GABRA3: variants seen among roughly 807,000 people sequenced by gnomAD.
The protein encoded by GABRA3 is gamma-aminobutyric acid receptor subunit alpha-3.
A neutral mutation model predicts 30.1 loss-of-function variants in GABRA3; 10 were observed. The ratio of observed to expected loss-of-function variants is 0.33; its 90% CI spans 0.20 to 0.56. GABRA3 has a LOEUF of 0.56. Ranked by LOEUF, GABRA3 falls within the 20% of genes least tolerant of loss-of-function variation. The pLI, the probability that GABRA3 is intolerant of heterozygous loss-of-function variation, is 0.89. For synonymous variants in GABRA3, 151 were observed against 146.8 expected, an observed-to-expected ratio of 1.03 and a Z score of -0.21; for missense variants, 233 against 392.0, an observed-to-expected ratio of 0.59 and a Z score of 3.42.
At chrX:152,407,003 C>T (rs971790159) in intron 1 of GABRA3, among the ~76,000 whole-genome samples, 5 of 111,472 alleles carry the variant, frequency 4.5e-5, no homozygotes, top group Non-Finnish European at 9.4e-5. Context: ...GACCATTGGG[C>T]CAATAAACAA....
chrX:152,224,734 AGAC>A, intron 6 of GABRA3, 26 bp downstream of exon 6: 1 of 1,037,483 alleles, frequency 9.6e-7, no homozygotes, highest in South Asian at 2.1e-5. Context: ...CAAAAAAAAA[AGAC>A]AGAGAGAGAG....
intron 3 of GABRA3, among the ~76,000 whole-genome samples, chrX:152,325,138 T>A (rs1268753483): frequency 2.7e-5 from 3 of 111,245 alleles, no homozygotes; most frequent in Non-Finnish European, 5.7e-5. Context: ...CAAGCTGATC[T>A]ATGGATGACT....
intron 3 of GABRA3, among the ~76,000 whole-genome samples, chrX:152,334,594 C>T (rs982135106): frequency 9.0e-6 from 1 of 111,121 alleles, no homozygotes; most frequent in African/African-American, 3.3e-5. Context: ...GGTCTGGCTA[C>T]GTTGCCCAGC....
At chrX:152,355,618 T>C (rs762429928) in intron 2 of GABRA3, among the ~76,000 whole-genome samples, 1 of 111,911 alleles carries the variant, frequency 8.9e-6, no homozygotes, top group Non-Finnish European at 1.9e-5. Context: ...TGCAAATATA[T>C]CCTCCTCAAA....
chrX:152,345,160 C>T (rs958893083), intron 3 of GABRA3, among the ~76,000 whole-genome samples: 3 of 111,134 alleles, frequency 2.7e-5, no homozygotes, highest in Admixed American at 9.6e-5. Context: ...TATTGGTATT[C>T]TGTTACTAGA....
At chrX:152,199,115 C>T (rs1044125767) in intron 7 of GABRA3, among the ~76,000 whole-genome samples, 14 of 111,227 alleles carry the variant, frequency 1.3e-4, no homozygotes, top group Admixed American at 7.6e-4. Flanking sequence ...GCCTGTAATC[C>T]CAGCACTTTG....
At chrX:152,269,605 A>G (rs1938890360) in intron 4 of GABRA3, among the ~76,000 whole-genome samples, 1 of 112,259 alleles carries the variant, frequency 8.9e-6, no homozygotes, top group Admixed American at 9.4e-5. Flanking sequence ...AAGCAATACT[A>G]AAAAAACACC....
intron 3 of GABRA3, among the ~76,000 whole-genome samples, chrX:152,291,802 G>A (rs763905409): frequency 8.9e-6 from 1 of 111,850 alleles, no homozygotes; most frequent in African/African-American, 3.2e-5. Context: ...CTGTTTATGT[G>A]ATGGATTATG....
At chrX:152,233,060 T>C (rs1863882646) in intron 5 of GABRA3, among the ~76,000 whole-genome samples, 1 of 111,754 alleles carries the variant, frequency 8.9e-6, no homozygotes, top group Non-Finnish European at 1.9e-5. Flanking sequence ...TTAATTTGCA[T>C]TTCACTGATA....
intron 1 of GABRA3, among the ~76,000 whole-genome samples, chrX:152,378,281 C>A (rs1375274407): frequency 3.6e-5 from 4 of 111,529 alleles, no homozygotes; most frequent in Non-Finnish European, 7.5e-5. Flanking sequence ...GAAAGCAAAT[C>A]CCCATACTTC....
intron 9 of GABRA3, among the ~76,000 whole-genome samples, chrX:152,180,823 A>G (rs928624777): frequency 5.9e-4 from 66 of 111,787 alleles, no homozygotes; most frequent in Admixed American, 5.9e-3. Flanking sequence ...TGTTCTAGAT[A>G]CCTTTGTGGA....
At chrX:152,225,426 ACACACG>A (rs1204480301) in intron 5 of GABRA3, among the ~76,000 whole-genome samples, 5 of 14,577 alleles carry the variant, frequency 3.4e-4, no homozygotes, top group Non-Finnish European at 4.4e-4. Context: ...ACGCACACAC[ACACACG>A]CACACACACA....
chrX:152,394,656 C>T (rs1164545497), intron 1 of GABRA3, among the ~76,000 whole-genome samples: 1 of 112,624 alleles, frequency 8.9e-6, no homozygotes, highest in African/African-American at 3.2e-5. Flanking sequence ...TGTGTATTTT[C>T]ACACAAGTGT....
chrX:152,402,750 G>A (rs957390834), intron 1 of GABRA3, among the ~76,000 whole-genome samples: 3 of 111,844 alleles, frequency 2.7e-5, no homozygotes, highest in Non-Finnish European at 5.6e-5. Flanking sequence ...TATATAGCAT[G>A]TGACAGATAC....
At chrX:152,215,872 A>G (rs763272222) in intron 6 of GABRA3, among the ~76,000 whole-genome samples, 2 of 111,578 alleles carry the variant, frequency 1.8e-5, no homozygotes, top group Non-Finnish European at 3.8e-5. Flanking sequence ...AATATCCAGT[A>G]TATCTAAGGA....
chrX:152,288,740 T>C (rs1254471495), intron 3 of GABRA3, among the ~76,000 whole-genome samples: 3 of 112,132 alleles, frequency 2.7e-5, no homozygotes, highest in Non-Finnish European at 5.6e-5. Context: ...ATATAGAGTC[T>C]AGCCTCTGTT....
At chrX:152,239,773 T>C (rs1437841676) in intron 5 of GABRA3, among the ~76,000 whole-genome samples, 2 of 104,715 alleles carry the variant, frequency 1.9e-5, no homozygotes, top group East Asian at 6.4e-4. Context: ...TCTTTTGATC[T>C]TTGTTGGTTT....
At chrX:152,351,456 G>T (rs2124485452) in intron 2 of GABRA3, among the ~76,000 whole-genome samples, 1 of 111,773 alleles carries the variant, frequency 8.9e-6, no homozygotes, top group African/African-American at 3.2e-5. Context: ...ACCTCCACTA[G>T]CTTCAAACTT....
chrX:152,207,591 A>G (rs932421251), intron 7 of GABRA3, among the ~76,000 whole-genome samples: 38 of 112,005 alleles, frequency 3.4e-4, no homozygotes, highest in African/African-American at 1.1e-3. Flanking sequence ...CTTTTCTGGG[A>G]TTAGTTAATG....
Sources: gnomAD v4.1 joint callset for allele counts (sites outside exome capture counted in the v4.1 genomes callset) on GRCh38, gnomAD v4.1.1 for gene constraint, MANE v1.5 for transcripts, NCBI Gene and HGNC (gene_info 2026-07-23, HGNC 2026-07-21) for gene names.